The following SLC13A4 variants were observed in gnomAD, a reference collection of about 807,000 sequenced individuals.
SLC13A4 encodes the protein Na(+)/sulfate cotransporter SUT-1.
In SLC13A4, 28 loss-of-function variants were observed where a neutral mutation model predicts 72.7. The observed-to-expected ratio is 0.39, with a 90% CI of 0.29 to 0.53. The LOEUF is 0.53. Ranked by LOEUF, SLC13A4 falls within the 20% of genes least tolerant of loss-of-function variation. SLC13A4 has a pLI of 0.78. For missense variants in SLC13A4, 653 were observed against 788.0 expected (o/e 0.83, Z 2.05); for synonymous variants, 312 against 325.5 (o/e 0.96, Z 0.45).
chr7:135,714,366 G>C (rs939721909), intron 2 of SLC13A4, among the ~76,000 whole-genome samples: 4 of 152,168 alleles, frequency 2.6e-5, no homozygotes, highest in African/African-American at 9.7e-5. Flanking sequence ...TACCCAGATG[G>C]GGAAGCTGAG....
At chr7:135,726,059 G>T (rs778847217) in intron 1 of SLC13A4, among the ~76,000 whole-genome samples, 4 of 152,176 alleles carry the variant, frequency 2.6e-5, no homozygotes, top group Non-Finnish European at 4.4e-5. Context: ...CAGTGGCCAA[G>T]GTCCCCAAAG....
chr7:135,691,207 A>G lies in SLC13A4; in HGVS notation c.1440T>C (p.Gly480=), dbSNP rs1795778171. ...LVGGGYALAS[G]SKSSGLSTWI... is the part of the protein sequence containing the mutation. ...AACAGAATTCAAGAATTACCTTGCT[A>G]CCAGAAGCCAGAGCATAGCCTCCCC... The change falls in exon 13 of 16, where the codon GGT becomes GGC. Residue 480 remains glycine, a synonymous_variant. Transcript: ENST00000682651. 1 of 1,586,152 alleles carries G rather than the reference A, an allele frequency of 6.3e-7. No homozygotes were observed. Among genetic ancestry groups the G allele is most frequent in the Non-Finnish European group, 8.5e-7 (1 of 1,171,934 alleles).
intron 2 of SLC13A4, among the ~76,000 whole-genome samples, chr7:135,718,986 A>G (rs998037297): frequency 6.6e-6 from 1 of 152,174 alleles, no homozygotes; most frequent in African/African-American, 2.4e-5. Context: ...CTATATTTGG[A>G]CTAAGCTGCT....
chr7:135,722,572 G>A (rs1187829082), intron 1 of SLC13A4, among the ~76,000 whole-genome samples: 1 of 146,546 alleles, frequency 6.8e-6, no homozygotes, highest in African/African-American at 2.6e-5. Context: ...ATTCATATAC[G>A]AACATTACAT....
At chr7:135,716,970 G>T (rs979963185) in intron 2 of SLC13A4, among the ~76,000 whole-genome samples, 9 of 152,112 alleles carry the variant, frequency 5.9e-5, no homozygotes, top group African/African-American at 2.2e-4. Flanking sequence ...TGAACTGCTG[G>T]CATTTATCCT....
At chr7:135,718,987 C>T (rs1796487036) in intron 2 of SLC13A4, among the ~76,000 whole-genome samples, 1 of 152,242 alleles carries the variant, frequency 6.6e-6, no homozygotes, top group South Asian at 2.1e-4. Context: ...TATATTTGGA[C>T]TAAGCTGCTC....
Position 135,684,353 on chromosome 7 carries a change from C to T in SLC13A4, c.1609-92G>A, listed in dbSNP as rs1795574373. 1.1e-5 allele frequency: 16 copies of T among 1,455,840 alleles called. No homozygotes were observed. The South Asian group carries it at 2.2e-4, about 20-fold the overall frequency. 90.2% of individuals were successfully genotyped at this position (1,455,840 alleles called of 1,614,324 possible). A position where few individuals can be genotyped will look rare whatever the true frequency, so the allele number is the denominator to read the frequency against. ...AGCATGCTTTAATGATGACTTGGTGCTGGCTAACCTTAGCAGGACACTATG... is the reference window on the plus strand; with the variant it reads ...AGCATGCTTTAATGATGACTTGGTGTTGGCTAACCTTAGCAGGACACTATG... On this transcript the variant is annotated intron_variant, in intron 14 of 15. Coordinates refer to ENST00000682651, the MANE Select transcript of SLC13A4 (RefSeq NM_001318192.2).
intron 1 of SLC13A4, 43 bp from the exon 2 acceptor site, chr7:135,721,566 C>T: frequency 6.2e-7 from 1 of 1,610,190 alleles, no homozygotes; most frequent in Non-Finnish European, 8.5e-7. Flanking sequence ...GGAATAGTCA[C>T]TGCCACTGAG....
At position 135,695,478 on chromosome 7, in the gene SLC13A4, T is replaced by C. The variant is rs1337518971; in HGVS notation, c.909A>G (p.Pro303=). 2 of 1,613,934 alleles carry C rather than the reference T, an allele frequency of 1.2e-6. No homozygotes were observed. Among genetic ancestry groups the C allele is most frequent in the Non-Finnish European group, 1.7e-6 (2 of 1,179,944 alleles). ...TGCCAAAGTTCACCACCTCTGCGGC[T>C]GGATACTGGCTGGAGGGTAAAGAAC... ...IFLEHFNNQY[P]AAEVVNFGTW... is the part of the protein sequence containing the mutation. The change falls in exon 9 of 16, where the codon CCA becomes CCG. Residue 303 remains proline (P), a synonymous_variant. Coordinates refer to ENST00000682651, the MANE Select transcript of SLC13A4 (RefSeq NM_001318192.2).
At chr7:135,710,825 G>T (rs1199749062) in intron 2 of SLC13A4, among the ~76,000 whole-genome samples, 1 of 152,184 alleles carries the variant, frequency 6.6e-6, no homozygotes, top group Non-Finnish European at 1.5e-5. Context: ...CATTTCCTGG[G>T]GGGAAAAGCC....
chr7:135,686,214 G>C (rs2129493776), intron 13 of SLC13A4, among the ~76,000 whole-genome samples: 1 of 152,294 alleles, frequency 6.6e-6, no homozygotes, highest in Admixed American at 6.5e-5. Context: ...CTGAGCACTG[G>C]AGGTTTTACA....
intron 1 of SLC13A4, 49 bp downstream of exon 1, chr7:135,727,349 G>A: frequency 1.3e-6 from 2 of 1,537,636 alleles, no homozygotes; most frequent in East Asian, 2.5e-5. Flanking sequence ...TCCCCTCTTT[G>A]CCCTCCCACT....
chr7:135,718,118 T>G (rs1584740194), intron 2 of SLC13A4, among the ~76,000 whole-genome samples: 1 of 103,366 alleles, frequency 9.7e-6, no homozygotes, highest in Non-Finnish European at 1.9e-5. Flanking sequence ...CGCGCTAGTC[T>G]CCTCTTCGTT....
At chr7:135,717,086 A>G (rs1250704125) in intron 2 of SLC13A4, among the ~76,000 whole-genome samples, 2 of 152,116 alleles carry the variant, frequency 1.3e-5, no homozygotes, top group Non-Finnish European at 2.9e-5. Flanking sequence ...AGCGCATCCA[A>G]CTTAGCCATC....
At chr7:135,691,906 T>C (rs73160719) in intron 11 of SLC13A4, 27,836 of 464,656 alleles carry the variant, frequency 0.06, 982 homozygotes, top group South Asian at 0.083. Flanking sequence ...AAGTCCTAGA[T>C]GGAGTGATCA....
chr7:135,721,425 G>A lies in SLC13A4; in HGVS notation c.198C>T (p.Tyr66=), dbSNP rs1264689369. The A allele has an allele frequency of 1.9e-6, 3 of 1,614,004 alleles. No homozygotes were observed. The highest frequency in any genetic ancestry group is 1.3e-5 in the African/African-American group (1 of 74,910). Residue 66 remains tyrosine, a synonymous_variant, in exon 2 of 16, where the codon TAC becomes TAT. Transcript: ENST00000682651. ...TGGACCGGAGGACTCCGAAGAACGG[G>A]TAAAGGAAGGCCGGCACCAGGGCTG... ...GAAALVPAFL[Y]PFFGVLRSNE...
chr7:135,692,270 C>T (rs1795804805), intron 11 of SLC13A4, 53 bp downstream of exon 11: 2 of 1,291,488 alleles, frequency 1.5e-6, no homozygotes, highest in Non-Finnish European at 2.3e-6. Flanking sequence ...GAAGTCTTGC[C>T]TGAAGAATTG....
At chr7:135,706,092 A>G (rs1182748239) in intron 4 of SLC13A4, 36 bp downstream of exon 4, 3 of 1,539,816 alleles carry the variant, frequency 1.9e-6, no homozygotes, top group East Asian at 2.3e-5. Flanking sequence ...GGGAGGTTGG[A>G]GGAGCAAAGG....
intron 1 of SLC13A4, among the ~76,000 whole-genome samples, chr7:135,725,976 A>G (rs142339083): frequency 6.6e-6 from 1 of 152,054 alleles, no homozygotes; most frequent in Non-Finnish European, 1.5e-5. Context: ...GTCTACAAAA[A>G]AAAGTTTGAT....
Sources: allele counts gnomAD v4.1 joint callset (sites outside exome capture counted in the v4.1 genomes callset), GRCh38; gene constraint gnomAD v4.1.1; transcripts MANE v1.5; gene names NCBI Gene and HGNC (gene_info 2026-07-23, HGNC 2026-07-21).